Variants in DLG2 observed in about 807,000 individuals in gnomAD.
The protein encoded by DLG2 is discs large MAGUK scaffold protein 2, also known as disks large homolog 2.
DLG2 carries 45 observed loss-of-function variants against 132.5 expected under a neutral mutation model. That is an observed-to-expected ratio of 0.34 (90% CI 0.27 to 0.44). The LOEUF is 0.44. DLG2 is among the 20% of genes least tolerant of loss of function. DLG2 has a pLI of 1.00. For synonymous variants in DLG2, 424 were observed against 419.6 expected (o/e 1.01, Z -0.13); for missense variants, 1,045 against 1,196.9 (o/e 0.87, Z 1.87).
At chr11:85,469,013 C>G (rs1253541649) in intron 3 of DLG2, among the ~76,000 whole-genome samples, 1 of 152,112 alleles carries the variant, frequency 6.6e-6, no homozygotes, top group Non-Finnish European at 1.5e-5. Context: ...CTTTATTACT[C>G]CATTCAATAT....
chr11:83,850,370 G>C (rs565141139), intron 16 of DLG2, among the ~76,000 whole-genome samples: 2 of 152,054 alleles, frequency 1.3e-5, no homozygotes, highest in Admixed American at 6.6e-5. Flanking sequence ...AGCCAGGATG[G>C]TCTTGATTTC....
In DLG2 at chr11:83,965,362, T is replaced by G. The variant is rs1473853552; in HGVS notation, c.1163A>C (p.Tyr388Ser). 1 of 1,612,224 alleles carries G rather than the reference T, an allele frequency of 6.2e-7. No homozygotes were observed. Among genetic ancestry groups the G allele is most frequent in the Non-Finnish European group, 8.5e-7 (1 of 1,178,854 alleles). Reference protein sequence around the residue: ...YLKVGKPTTIYMTDPYGPPDI... With the variant: ...YLKVGKPTTISMTDPYGPPDI... ...AGGTGGACCATAAGGATCAGTCATA[T>G]AAATGGTAGTGGGTTTGCCAACTTT... The change falls in exon 13 of 28, where the codon TAT (tyrosine) becomes TCT (serine). Residue 388 changes from tyrosine (Y) to serine (S), a missense_variant. Physicochemically the swap from Tyr to Ser is moderately radical, Grantham distance 144 (BLOSUM62 -2). Coordinates refer to ENST00000376104, the MANE Select transcript of DLG2 (RefSeq NM_001142699.3).
chr11:85,453,144 G>T, intron 3 of DLG2: 1 of 276,096 alleles, frequency 3.6e-6, no homozygotes, highest in South Asian at 7.4e-5. Context: ...CCTTCATGGT[G>T]AGAATATTTC....
At chr11:85,501,235 G>A (rs2093794836) in intron 3 of DLG2, among the ~76,000 whole-genome samples, 1 of 152,030 alleles carries the variant, frequency 6.6e-6, no homozygotes, top group African/African-American at 2.4e-5. Context: ...ACTGAAACTG[G>A]ACCCCTTCCT....
intron 17 of DLG2, chr11:83,815,312 C>T (rs903701444): frequency 6.6e-6 from 1 of 152,272 alleles, no homozygotes; most frequent in Non-Finnish European, 1.5e-5. Flanking sequence ...AACTTCATCC[C>T]TCAAGTCTTT....
chr11:84,909,258 T>G (rs1275361294), intron 6 of DLG2, among the ~76,000 whole-genome samples: 1 of 152,202 alleles, frequency 6.6e-6, no homozygotes, highest in East Asian at 1.9e-4. Context: ...CAAAACAAAT[T>G]CCAGTATCTT....
At chr11:84,386,477 C>T (rs1601179202) in intron 7 of DLG2, among the ~76,000 whole-genome samples, 1 of 152,132 alleles carries the variant, frequency 6.6e-6, no homozygotes, top group East Asian at 1.9e-4. Context: ...AGTCATCATT[C>T]TTCCTTCCAC....
At chr11:85,361,860 G>C (rs2084181595) in intron 3 of DLG2, among the ~76,000 whole-genome samples, 3 of 152,276 alleles carry the variant, frequency 2.0e-5, no homozygotes, top group African/African-American at 7.2e-5. Flanking sequence ...TAATTTGATA[G>C]GGATTGTGTT....
intron 3 of DLG2, among the ~76,000 whole-genome samples, chr11:85,335,596 G>GAC (rs1565340616): frequency 6.6e-6 from 1 of 152,188 alleles, no homozygotes; most frequent in African/African-American, 2.4e-5. Context: ...CCTCTTGTAA[G>GAC]AGGCCTTATA....
chr11:84,499,841 C>T (rs377761815), intron 7 of DLG2, among the ~76,000 whole-genome samples: 1 of 151,988 alleles, frequency 6.6e-6, no homozygotes, highest in East Asian at 1.9e-4. Context: ...GCTTGTCTGG[C>T]ATAGGAGGTA....
chr11:84,758,029 G>T (rs187353087), intron 6 of DLG2, among the ~76,000 whole-genome samples: 6 of 152,260 alleles, frequency 3.9e-5, no homozygotes, highest in Admixed American at 2.6e-4. Flanking sequence ...TATTCCAATG[G>T]TTGGGTCATT....
At chr11:83,686,619 T>G (rs576354220) in intron 18 of DLG2, among the ~76,000 whole-genome samples, 1 of 152,318 alleles carries the variant, frequency 6.6e-6, no homozygotes, top group African/African-American at 2.4e-5. Context: ...GTATTTGAAG[T>G]CTTATCTTCA....
intron 7 of DLG2, among the ~76,000 whole-genome samples, chr11:84,387,845 T>C (rs111799194): frequency 3.3e-5 from 5 of 152,344 alleles, no homozygotes; most frequent in African/African-American, 1.2e-4. Context: ...CAGATTTTTC[T>C]ACTTCTACAT....
intron 6 of DLG2, among the ~76,000 whole-genome samples, chr11:84,642,082 GTA>G (rs1274360637): frequency 3.5e-5 from 5 of 141,082 alleles, no homozygotes; most frequent in African/African-American, 8.5e-5. Context: ...GTGTGTGTGT[GTA>G]TATGTAGAGT....
intron 6 of DLG2, among the ~76,000 whole-genome samples, chr11:84,950,393 T>C (rs1164096936): frequency 6.6e-6 from 1 of 152,038 alleles, no homozygotes; most frequent in Non-Finnish European, 1.5e-5. Flanking sequence ...TAAAGATCTT[T>C]TGAAAATAGA....
At chr11:85,486,644 C>T (rs755945296) in intron 3 of DLG2, among the ~76,000 whole-genome samples, 2 of 152,052 alleles carry the variant, frequency 1.3e-5, no homozygotes, top group Non-Finnish European at 2.9e-5. Flanking sequence ...TACCAGCAGG[C>T]CAGGGGACTG....
chr11:83,904,211 G>T (rs1024507052), intron 15 of DLG2, among the ~76,000 whole-genome samples: 1 of 152,064 alleles, frequency 6.6e-6, no homozygotes, highest in Non-Finnish European at 1.5e-5. Flanking sequence ...GATAGTGAGA[G>T]ATTTTATCAT....
chr11:84,090,992 G>C (rs1310626479), intron 10 of DLG2, among the ~76,000 whole-genome samples: 1 of 152,104 alleles, frequency 6.6e-6, no homozygotes, highest in Non-Finnish European at 1.5e-5. Flanking sequence ...ATATCATATA[G>C]AGTATGATCT....
intron 7 of DLG2, among the ~76,000 whole-genome samples, chr11:84,522,370 T>C (rs1319034947): frequency 6.6e-6 from 1 of 152,150 alleles, no homozygotes; most frequent in Non-Finnish European, 1.5e-5. Flanking sequence ...TATTGCTTAA[T>C]GGGCCTTAAG....
Sources: allele counts gnomAD v4.1 joint callset (sites outside exome capture counted in the v4.1 genomes callset), GRCh38; gene constraint gnomAD v4.1.1; transcripts MANE v1.5; gene names NCBI Gene and HGNC (gene_info 2026-07-23, HGNC 2026-07-21).